The following BACH2 variants were observed in gnomAD, a reference collection of about 807,000 sequenced individuals.
The protein encoded by BACH2 is transcription regulator protein BACH2.
Under a neutral mutation model 61.8 loss-of-function variants are expected in BACH2, and 5 were observed. That is an observed-to-expected ratio of 0.08 (90% CI 0.04 to 0.17). The LOEUF (loss-of-function observed/expected upper bound fraction) is 0.17, where lower values mean the gene tolerates loss of function less well. Ranked by LOEUF, BACH2 falls within the 10% of genes least tolerant of loss-of-function variation. BACH2 has a pLI of 1.00. For synonymous variants in BACH2, 446 were observed against 440.1 expected, an observed-to-expected ratio of 1.01 and a Z score of -0.17; for missense variants, 824 against 1,091.1, an observed-to-expected ratio of 0.76 and a Z score of 3.45.
rs11306386 is a variant in BACH2, at chr6:89,940,852, G to GT, written c.1837-2503dup. 2.0e-3 allele frequency among the ~76,000 whole-genome samples: 279 copies of GT among 142,616 alleles called. 1 individual carries two copies. The highest frequency in any genetic ancestry group is 4.6e-3 in the African/African-American group (181 of 38,968). The allele number at this position is 142,616 out of a possible 152,430, so 93.6% of individuals were successfully genotyped here. A position where few individuals can be genotyped will look rare whatever the true frequency, so the allele number is the denominator to read the frequency against. ...ATAATTATTAATGAGATAGTTTACA[G>GT]TTTTTTTTTTTTTTGTGCTAAACTT... On this transcript the variant is annotated intron_variant, in intron 7 of 8. Transcript: ENST00000257749.
chr6:90,075,632 G>A (rs4707593), intron 5 of BACH2, among the ~76,000 whole-genome samples: 45,773 of 151,868 alleles, frequency 0.3, 7,499 homozygotes, highest in East Asian at 0.67. Context: ...TATTATTATC[G>A]TAACTGCAAT....
At chr6:90,237,228 C>T (rs1770289783) in intron 3 of BACH2, among the ~76,000 whole-genome samples, 1 of 152,172 alleles carries the variant, frequency 6.6e-6, no homozygotes, top group Admixed American at 6.6e-5. Context: ...CAGCCCAGTG[C>T]TCTTGTTTTA....
At chr6:90,173,686 T>C (rs943169709) in intron 4 of BACH2, among the ~76,000 whole-genome samples, 1 of 152,108 alleles carries the variant, frequency 6.6e-6, no homozygotes, top group Non-Finnish European at 1.5e-5. Flanking sequence ...GGAAGGAAAC[T>C]GATAGCAAAA....
rs1772658945 is a variant in BACH2 at position 89,931,797 on chromosome 6, T to C, written c.*611A>G. 6.6e-6 allele frequency: 1 copy of C among 152,302 alleles called. No homozygotes were observed. The highest frequency in any genetic ancestry group is 2.4e-5 in the African/African-American group (1 of 41,296). The allele number at this position is 152,302 out of a possible 1,614,324, so 9.4% of individuals were successfully genotyped here. A position where few individuals can be genotyped will look rare whatever the true frequency, so the allele number is the denominator to read the frequency against. On this transcript the variant is annotated 3_prime_UTR_variant, in exon 9 of 9. Coordinates refer to ENST00000257749, the MANE Select transcript of BACH2 (RefSeq NM_021813.4). ...AAATTGAACTGTGAAGCAAGAAAAA[T>C]GACCATGTTAACAGTTACCAAACTA...
chr6:90,197,760 C>G (rs771719838), intron 4 of BACH2, among the ~76,000 whole-genome samples: 2 of 152,204 alleles, frequency 1.3e-5, no homozygotes, highest in Non-Finnish European at 2.9e-5. Flanking sequence ...TGATGAAGGA[C>G]GGCCCAGGGC....
intron 4 of BACH2, among the ~76,000 whole-genome samples, chr6:90,172,963 A>G (rs761926610): frequency 7.2e-5 from 11 of 152,140 alleles, no homozygotes; most frequent in Non-Finnish European, 1.6e-4. Flanking sequence ...AAGAACTCTA[A>G]GGTTACTGAA....
At chr6:89,972,805 G>A (rs965824910) in intron 6 of BACH2, among the ~76,000 whole-genome samples, 5 of 152,138 alleles carry the variant, frequency 3.3e-5, no homozygotes, top group South Asian at 4.1e-4. Flanking sequence ...TAAAAAAAAC[G>A]ACGGGCTGGG....
At chr6:90,075,768 A>G (rs971490535) in intron 5 of BACH2, among the ~76,000 whole-genome samples, 1 of 152,192 alleles carries the variant, frequency 6.6e-6, no homozygotes, top group Non-Finnish European at 1.5e-5. Flanking sequence ...ACCAAGGACA[A>G]AATATGACAT....
chr6:89,993,522 C>T (rs745411658), intron 6 of BACH2, among the ~76,000 whole-genome samples: 6 of 152,116 alleles, frequency 3.9e-5, no homozygotes, highest in Non-Finnish European at 7.4e-5. Flanking sequence ...GAGTAGTTTG[C>T]GTGAAGTCAT....
intron 8 of BACH2, among the ~76,000 whole-genome samples, chr6:89,934,781 C>A (rs1168306435): frequency 6.6e-6 from 1 of 152,006 alleles, no homozygotes; most frequent in Non-Finnish European, 1.5e-5. Context: ...TCTCACCAAC[C>A]CTTTGCAAGC....
At chr6:90,194,575 C>A (rs1235836018) in intron 4 of BACH2, among the ~76,000 whole-genome samples, 1 of 152,152 alleles carries the variant, frequency 6.6e-6, no homozygotes, top group Non-Finnish European at 1.5e-5. Context: ...AGACCACTCA[C>A]CAGCATTATT....
chr6:89,961,398 G>A (rs543923123), intron 6 of BACH2, among the ~76,000 whole-genome samples: 587 of 152,166 alleles, frequency 3.9e-3, no homozygotes, highest in African/African-American at 0.013. Flanking sequence ...GGTTTCATTC[G>A]AAAAACTGCC....
chr6:90,224,093 T>C (rs1301199006), intron 3 of BACH2, among the ~76,000 whole-genome samples: 1 of 152,212 alleles, frequency 6.6e-6, no homozygotes, highest in Non-Finnish European at 1.5e-5. Flanking sequence ...GTATTGGAAA[T>C]TATAACAGTT....
intron 5 of BACH2, among the ~76,000 whole-genome samples, chr6:90,071,168 G>A (rs953273190): frequency 1.3e-5 from 2 of 152,170 alleles, no homozygotes; most frequent in African/African-American, 4.8e-5. Context: ...CTTTTCAAAT[G>A]TACTGGTATA....
intron 6 of BACH2, among the ~76,000 whole-genome samples, chr6:89,982,910 T>G (rs1010345305): frequency 6.6e-6 from 1 of 152,172 alleles, no homozygotes; most frequent in African/African-American, 2.4e-5. Flanking sequence ...TCCCCATTCC[T>G]GCAGAATGTT....
intron 4 of BACH2, among the ~76,000 whole-genome samples, chr6:90,203,391 C>CAAAAA (rs34539345): frequency 3.3e-5 from 2 of 59,784 alleles, no homozygotes; most frequent in African/African-American, 7.2e-5. Flanking sequence ...TCTCTCTCTC[C>CAAAAA]AAAAAAAAAA....
chr6:89,976,381 A>C (rs531864944), intron 6 of BACH2, among the ~76,000 whole-genome samples: 1 of 152,350 alleles, frequency 6.6e-6, no homozygotes, highest in African/African-American at 2.4e-5. Flanking sequence ...GGCATCTGTA[A>C]GGCAGGGGCA....
intron 6 of BACH2, among the ~76,000 whole-genome samples, chr6:89,986,498 T>C (rs1776248155): frequency 6.6e-6 from 1 of 152,208 alleles, no homozygotes; most frequent in Non-Finnish European, 1.5e-5. Flanking sequence ...CCAAGAATTG[T>C]AGTGAATGAT....
At position 90,290,112 on chromosome 6, in the gene BACH2, G is replaced by T. The variant is rs78269527; in HGVS notation, c.-446+6368C>A. ...GCCCCAGAGGTTCCAGCATGGCTTAGGCAATACTCCAAAGGGCCAAAGATA... is the reference window on the plus strand; with the variant it reads ...GCCCCAGAGGTTCCAGCATGGCTTATGCAATACTCCAAAGGGCCAAAGATA... On this transcript the variant is annotated intron_variant, in intron 1 of 8. Coordinates refer to ENST00000257749, the MANE Select transcript of BACH2 (RefSeq NM_021813.4). Among the ~76,000 whole-genome samples, 1,247 of 152,220 alleles carry T rather than the reference G, an allele frequency of 8.2e-3. 21 individuals are homozygous for T. Among genetic ancestry groups the T allele is most frequent in the African/African-American group, 0.029 (1,196 of 41,518 alleles).
Sources: gnomAD v4.1 joint callset for allele counts (sites outside exome capture counted in the v4.1 genomes callset) on GRCh38, gnomAD v4.1.1 for gene constraint, MANE v1.5 for transcripts, NCBI Gene and HGNC (gene_info 2026-07-23, HGNC 2026-07-21) for gene names.